Variants in ROBO1 observed in about 807,000 individuals in gnomAD.
ROBO1 encodes the protein roundabout guidance receptor 1.
ROBO1 carries 149 observed loss-of-function variants against 195.9 expected under a neutral mutation model. That is an observed-to-expected ratio of 0.76 (90% CI 0.67 to 0.87). ROBO1 has a LOEUF of 0.87. Ranked by LOEUF, ROBO1 falls within the 40% of genes least tolerant of loss-of-function variation. ROBO1 has a pLI of 0.00. For missense variants in ROBO1, 1,933 were observed against 2,068.3 expected (o/e 0.93, Z 1.27); for synonymous variants, 816 against 733.2 (o/e 1.11, Z -1.82).
intron 8 of ROBO1, among the ~76,000 whole-genome samples, chr3:78,693,990 G>A (rs2081232991): frequency 6.6e-6 from 1 of 152,016 alleles, no homozygotes; most frequent in Non-Finnish European, 1.5e-5. Flanking sequence ...GACCATAAAT[G>A]GAATAGAAAG....
At chr3:78,919,818 A>G (rs1247420960) in intron 4 of ROBO1, among the ~76,000 whole-genome samples, 1 of 152,244 alleles carries the variant, frequency 6.6e-6, no homozygotes, top group East Asian at 1.9e-4. Flanking sequence ...CTTTTAGCCC[A>G]TCTCAAATTT....
At chr3:79,084,798 T>C (rs947742540) in intron 3 of ROBO1, among the ~76,000 whole-genome samples, 1 of 152,106 alleles carries the variant, frequency 6.6e-6, no homozygotes, top group Non-Finnish European at 1.5e-5. Context: ...CAAGACAGTG[T>C]CCAGCACACA....
intron 2 of ROBO1, among the ~76,000 whole-genome samples, chr3:79,129,088 T>A (rs1037018946): frequency 6.6e-6 from 1 of 152,192 alleles, no homozygotes; most frequent in Non-Finnish European, 1.5e-5. Flanking sequence ...TTTATTTCCA[T>A]TGGTGATTCA....
chr3:78,659,660 A>ATAT, intron 17 of ROBO1, 26 bp downstream of exon 17: 2 of 1,346,180 alleles, frequency 1.5e-6, no homozygotes, highest in Non-Finnish European at 1.9e-6. Context: ...TCAGGACATT[A>ATAT]ATATATATAT....
At chr3:79,177,215 G>A (rs986702295) in intron 2 of ROBO1, among the ~76,000 whole-genome samples, 1 of 152,174 alleles carries the variant, frequency 6.6e-6, no homozygotes, top group African/African-American at 2.4e-5. Context: ...CAAACCAGCA[G>A]AATAATAAAC....
At chr3:78,705,223 C>T (rs2081521173) in intron 8 of ROBO1, among the ~76,000 whole-genome samples, 1 of 152,090 alleles carries the variant, frequency 6.6e-6, no homozygotes, top group South Asian at 2.1e-4. Flanking sequence ...TGTCAAATCT[C>T]TATGGACAAA....
chr3:79,478,418 T>C (rs1219451552), intron 2 of ROBO1, among the ~76,000 whole-genome samples: 2 of 123,618 alleles, frequency 1.6e-5, no homozygotes, highest in East Asian at 2.7e-4. Flanking sequence ...AAGACTTACA[T>C]GTTAAGCTTG....
intron 5 of ROBO1, among the ~76,000 whole-genome samples, chr3:78,743,771 A>G (rs942841996): frequency 1.3e-5 from 2 of 152,182 alleles, no homozygotes; most frequent in African/African-American, 4.8e-5. Context: ...AAATAAGACA[A>G]GTAGCTTCCT....
chr3:79,395,124 C>A (rs2037094914), intron 2 of ROBO1, among the ~76,000 whole-genome samples: 2 of 151,780 alleles, frequency 1.3e-5, no homozygotes, highest in African/African-American at 4.8e-5. Context: ...GAGATCAAGA[C>A]CATCCTGGCT....
chr3:78,665,113 T>C (rs545333224), intron 14 of ROBO1, among the ~76,000 whole-genome samples: 2 of 152,194 alleles, frequency 1.3e-5, no homozygotes, highest in African/African-American at 2.4e-5. Flanking sequence ...ATTTTCAGCC[T>C]TTCATGCGGC....
At chr3:79,474,598 G>A (rs7632115) in intron 2 of ROBO1, among the ~76,000 whole-genome samples, 101,477 of 151,900 alleles carry the variant, frequency 0.67, 35,377 homozygotes, top group African/African-American at 0.89. Context: ...TGCTTTAGGA[G>A]GGCCACACAT....
At position 78,680,331 on chromosome 3, in the gene ROBO1, T is replaced by G. The variant is rs936156090; in HGVS notation, c.1342+5415A>C. 3.3e-5 allele frequency among the ~76,000 whole-genome samples: 5 copies of G among 152,172 alleles called. No individual in the cohort carries two copies. The South Asian group carries it at 1.0e-3, about 32-fold the overall frequency. ...GGCAACAAAAGTCAAAATTGACAAA[T>G]GGGATCTAATTGAACTAAAGAGCTT... On this transcript the variant is annotated intron_variant, in intron 10 of 30. Transcript: ENST00000464233.
In ROBO1 at chr3:78,673,562, TTATATATATATATATATATA is replaced by T. The variant is rs1166250669; in HGVS notation, c.1343-3281_1343-3262del. Among the ~76,000 whole-genome samples the T allele has an allele frequency of 3.8e-3, 239 of 63,378 alleles. 8 individuals are homozygous for T. Among genetic ancestry groups the T allele is most frequent in the African/African-American group, 0.011 (208 of 19,418 alleles). 41.6% of individuals were successfully genotyped at this position (63,378 alleles called of 152,430 possible). A position where few individuals can be genotyped will look rare whatever the true frequency, so the allele number is the denominator to read the frequency against. On this transcript the variant is annotated intron_variant, in intron 10 of 30. Coordinates refer to ENST00000464233, the MANE Select transcript of ROBO1 (RefSeq NM_002941.4). ...ATATTACAGCTAGGTTACATATATT[TTATATATATATATATATATA>T]TATATATATATATATATATATATAC...
chr3:79,002,296 T>G (rs1576545400), intron 3 of ROBO1, among the ~76,000 whole-genome samples: 1 of 152,116 alleles, frequency 6.6e-6, no homozygotes, highest in African/African-American at 2.4e-5. Flanking sequence ...AACCTACACC[T>G]CTCCCTACCT....
intron 1 of ROBO1, among the ~76,000 whole-genome samples, chr3:79,657,182 T>C (rs1386728676): frequency 6.6e-6 from 1 of 152,114 alleles, no homozygotes; most frequent in Non-Finnish European, 1.5e-5. Flanking sequence ...GGCATTAATA[T>C]AAAATGCAAT....
chr3:79,018,485 C>A (rs765817905), intron 3 of ROBO1: 3 of 1,613,662 alleles, frequency 1.9e-6, no homozygotes, highest in Non-Finnish European at 2.5e-6. Context: ...ATCCTGTATA[C>A]AGTCTCATGC....
chr3:78,889,623 T>C (rs1423739838), intron 4 of ROBO1, among the ~76,000 whole-genome samples: 1 of 150,870 alleles, frequency 6.6e-6, no homozygotes, highest in Non-Finnish European at 1.5e-5. Context: ...AGCTTGACAA[T>C]ATGGGGTTTT....
intron 4 of ROBO1, among the ~76,000 whole-genome samples, chr3:78,748,251 G>C (rs1455509072): frequency 1.3e-5 from 2 of 152,096 alleles, no homozygotes; most frequent in African/African-American, 4.8e-5. Flanking sequence ...TTTGAGACCA[G>C]CCTGACCAAC....
At chr3:79,701,678 T>C (rs1307508541) in intron 1 of ROBO1, among the ~76,000 whole-genome samples, 2 of 151,636 alleles carry the variant, frequency 1.3e-5, no homozygotes, top group Non-Finnish European at 2.9e-5. Flanking sequence ...TGATAGAAAA[T>C]ACACTGCCCA....
Sources: gnomAD v4.1 joint callset for allele counts (sites outside exome capture counted in the v4.1 genomes callset) on GRCh38, gnomAD v4.1.1 for gene constraint, MANE v1.5 for transcripts, NCBI Gene and HGNC (gene_info 2026-07-23, HGNC 2026-07-21) for gene names.